SYT1: variants seen among roughly 807,000 people sequenced by gnomAD.
SYT1 encodes synaptotagmin 1.
A neutral mutation model predicts 44.8 loss-of-function variants in SYT1; 8 were observed. That is an observed-to-expected ratio of 0.18 (90% confidence interval 0.10 to 0.32). The LOEUF (loss-of-function observed/expected upper bound fraction) is 0.32, where lower values mean the gene tolerates loss of function less well. Among genes scored for constraint, SYT1 ranks in the 10% least tolerant of loss-of-function variants. The pLI is 1.00. For missense variants in SYT1, 286 were observed against 509.3 expected (o/e 0.56, Z 4.22); for synonymous variants, 154 against 188.8 (o/e 0.82, Z 1.51).
chr12:79,245,755 G>A (rs978466683), intron 4 of SYT1, among the ~76,000 whole-genome samples: 2 of 152,054 alleles, frequency 1.3e-5, no homozygotes, highest in Non-Finnish European at 2.9e-5. Flanking sequence ...TCATGTAGTA[G>A]GATAAATATA....
chr12:79,272,919 A>AC (rs148309058), intron 4 of SYT1, among the ~76,000 whole-genome samples: 2,211 of 152,268 alleles, frequency 0.015, 38 homozygotes, highest in Middle Eastern at 0.048. Context: ...TTTGGGTTTG[A>AC]CCAAAAAAAG....
intron 9 of SYT1, among the ~76,000 whole-genome samples, chr12:79,354,382 A>T (rs1883030108): frequency 6.6e-6 from 1 of 152,232 alleles, no homozygotes; most frequent in Non-Finnish European, 1.5e-5. Flanking sequence ...TCATAAATTG[A>T]CTGCAGTTGT....
intron 1 of SYT1, among the ~76,000 whole-genome samples, chr12:78,909,841 AGT>A: frequency 6.6e-6 from 1 of 151,244 alleles, no homozygotes; most frequent in South Asian, 2.1e-4. Context: ...ATTCTAACTT[AGT>A]CTTCAAAGTG....
chr12:78,923,707 C>G (rs796646359), intron 1 of SYT1, among the ~76,000 whole-genome samples: 1 of 134,292 alleles, frequency 7.4e-6, no homozygotes, highest in East Asian at 2.8e-4. Context: ...CTCTCTCTCT[C>G]TCTGTGTGTG....
At chr12:79,388,326 C>A (rs1428732082) in intron 9 of SYT1, among the ~76,000 whole-genome samples, 1 of 152,122 alleles carries the variant, frequency 6.6e-6, no homozygotes, top group African/African-American at 2.4e-5. Context: ...TACACACAGA[C>A]TTTTTCCTGC....
intron 9 of SYT1, among the ~76,000 whole-genome samples, chr12:79,423,564 T>C (rs1382563036): frequency 2.6e-5 from 4 of 152,044 alleles, no homozygotes; most frequent in African/African-American, 9.7e-5. Flanking sequence ...GGTGGTTTGG[T>C]TGGGTTCCTT....
intron 9 of SYT1, among the ~76,000 whole-genome samples, chr12:79,385,370 A>G (rs1884396189): frequency 6.6e-6 from 1 of 152,196 alleles, no homozygotes; most frequent in Non-Finnish European, 1.5e-5. Flanking sequence ...AGGATTGTAT[A>G]ATCAGTTACT....
chr12:79,243,979 C>T (rs563686844), intron 4 of SYT1, among the ~76,000 whole-genome samples: 5 of 152,094 alleles, frequency 3.3e-5, no homozygotes, highest in Admixed American at 2.6e-4. Flanking sequence ...AATTTTATGA[C>T]ATGAAAAGCA....
In SYT1 at chr12:79,285,996, T is replaced by C. The variant is rs778746447; in HGVS notation, c.351+25T>C. 5.1e-6 allele frequency: 8 copies of C among 1,573,732 alleles called. No individual in the cohort carries two copies. In the South Asian group the frequency reaches 8.5e-5, roughly 17 times the overall value. On this transcript the variant is annotated intron_variant, in intron 5 of 10. Coordinates refer to ENST00000261205, the MANE Select transcript of SYT1 (RefSeq NM_005639.3). ...GGTAATGTATTCTTTCTACATTTCTTCTTATTTTGTTTAAAAAAGATAAAC... is the reference window on the plus strand; with the variant it reads ...GGTAATGTATTCTTTCTACATTTCTCCTTATTTTGTTTAAAAAAGATAAAC...
At chr12:79,056,425 A>G (rs1055826229) in intron 3 of SYT1, among the ~76,000 whole-genome samples, 1 of 152,076 alleles carries the variant, frequency 6.6e-6, no homozygotes, top group African/African-American at 2.4e-5. Context: ...AGCATGACTC[A>G]CTTCCAGAAA....
intron 4 of SYT1, among the ~76,000 whole-genome samples, chr12:79,259,480 T>C (rs912556743): frequency 6.6e-6 from 1 of 152,172 alleles, no homozygotes; most frequent in African/African-American, 2.4e-5. Context: ...ATGCCTATAA[T>C]CCCAGCACTT....
At chr12:79,205,860 C>T (rs983991310) in intron 3 of SYT1, among the ~76,000 whole-genome samples, 10 of 152,068 alleles carry the variant, frequency 6.6e-5, no homozygotes, top group Admixed American at 5.2e-4. Flanking sequence ...CTTCTGAGAA[C>T]GAGAAACACA....
intron 1 of SYT1, among the ~76,000 whole-genome samples, chr12:78,952,373 C>A (rs1879012060): frequency 6.6e-6 from 1 of 152,048 alleles, no homozygotes; most frequent in Non-Finnish European, 1.5e-5. Context: ...CATCATCCAG[C>A]CTCTGCTCAT....
rs548336904 is a variant in SYT1, at chr12:78,872,646, C to CT, written c.-217+7544dup. 2.3e-4 allele frequency among the ~76,000 whole-genome samples: 35 copies of CT among 151,590 alleles called. No homozygotes were observed. The South Asian group carries it at 7.1e-3, about 31-fold the overall frequency. On this transcript the variant is annotated intron_variant, in intron 1 of 10. Transcript: ENST00000261205. ...TTCTTCATTCTTTTGTCTTTCCTTTCTTTTTTTGTATCTTAATTAAATATT... is the reference window on the plus strand; with the variant it reads ...TTCTTCATTCTTTTGTCTTTCCTTTCTTTTTTTTGTATCTTAATTAAATATT...
At chr12:79,404,934 G>A (rs545087562) in intron 9 of SYT1, among the ~76,000 whole-genome samples, 2 of 152,134 alleles carry the variant, frequency 1.3e-5, no homozygotes, top group Non-Finnish European at 2.9e-5. Context: ...AAGGCAGCCT[G>A]TATGTGAGTG....
At chr12:79,025,582 A>C (rs1309166832) in intron 2 of SYT1, among the ~76,000 whole-genome samples, 3 of 151,648 alleles carry the variant, frequency 2.0e-5, no homozygotes, top group African/African-American at 7.3e-5. Context: ...CATGATTGAT[A>C]TCTTAGGCAT....
intron 1 of SYT1, among the ~76,000 whole-genome samples, chr12:78,976,936 G>A (rs1868881008): frequency 6.6e-6 from 1 of 151,964 alleles, no homozygotes; most frequent in Non-Finnish European, 1.5e-5. Context: ...GTTTTTTAGA[G>A]TTTCTATATT....
At chr12:78,894,169 C>G (rs932322131) in intron 1 of SYT1, among the ~76,000 whole-genome samples, 3 of 151,230 alleles carry the variant, frequency 2.0e-5, no homozygotes, top group Admixed American at 6.6e-5. Context: ...CAATATCTCT[C>G]CCCATCAGTC....
At chr12:78,904,484 G>C (rs1875847365) in intron 1 of SYT1, among the ~76,000 whole-genome samples, 2 of 152,140 alleles carry the variant, frequency 1.3e-5, no homozygotes, top group African/African-American at 4.8e-5. Flanking sequence ...CTATTCACCA[G>C]TTTTCGAGTA....
Sources: gnomAD v4.1 joint callset for allele counts (sites outside exome capture counted in the v4.1 genomes callset) on GRCh38, gnomAD v4.1.1 for gene constraint, MANE v1.5 for transcripts, NCBI Gene and HGNC (gene_info 2026-07-23, HGNC 2026-07-21) for gene names.